Variants in PIK3R5 observed in about 807,000 individuals in gnomAD.
PIK3R5 encodes phosphoinositide-3-kinase regulatory subunit 5.
PIK3R5 carries 32 observed loss-of-function variants against 94.9 expected under a neutral mutation model. That is an observed-to-expected ratio of 0.34 (90% CI 0.25 to 0.45). PIK3R5 has a LOEUF of 0.45. Ranked by LOEUF, PIK3R5 falls within the 20% of genes least tolerant of loss-of-function variation. The pLI is 1.00. For missense variants in PIK3R5, 853 were observed against 1,144.6 expected (o/e 0.75, Z 3.68); for synonymous variants, 443 against 479.4 (o/e 0.92, Z 0.99).
chr17:8,920,369 G>GGTAC (rs2151427493), intron 1 of PIK3R5, among the ~76,000 whole-genome samples: 1 of 152,258 alleles, frequency 6.6e-6, no homozygotes, highest in South Asian at 2.1e-4. Flanking sequence ...AGGCACCTTA[G>GGTAC]GTACCATTTA....
chr17:8,887,956 A>C (rs551473729), intron 10 of PIK3R5, among the ~76,000 whole-genome samples: 7 of 150,276 alleles, frequency 4.7e-5, no homozygotes, highest in African/African-American at 1.7e-4. Context: ...AGCCGAGATC[A>C]TGCCACTGCA....
Position 8,945,635 on chromosome 17 carries a change from T to C in PIK3R5, c.-14+19961A>G, listed in dbSNP as rs1173926050. 2.0e-5 allele frequency among the ~76,000 whole-genome samples: 3 copies of C among 151,970 alleles called. No individual in the cohort carries two copies. Among genetic ancestry groups the C allele is most frequent in the Non-Finnish European group, 4.4e-5 (3 of 67,988 alleles). The stretch of plus-strand genomic sequence containing the variant: ...AAATGAGAACTCCTCCCCAGAAAAA[T>C]AGAAAGTACTTATAAGATTTTATGT... On this transcript the variant is annotated intron_variant, in intron 1 of 18. Coordinates refer to ENST00000447110, the MANE Select transcript of PIK3R5 (RefSeq NM_001142633.3). The surrounding 1 kb of genome is among the most constrained non-coding windows in gnomAD (Gnocchi z 4.0).
intron 1 of PIK3R5, among the ~76,000 whole-genome samples, chr17:8,956,409 C>G (rs2091467522): frequency 6.6e-6 from 1 of 152,108 alleles, no homozygotes; most frequent in South Asian, 2.1e-4. Context: ...AGCAGGTCCC[C>G]TCTCTGCTCA....
intron 10 of PIK3R5, 67 bp from the exon 11 acceptor site, chr17:8,887,750 T>C: frequency 6.8e-7 from 1 of 1,475,676 alleles, no homozygotes; most frequent in South Asian, 1.3e-5. Context: ...CCCAGCACTT[T>C]GGGAGGCTGA....
At chr17:8,910,615 T>G (rs2090503355) in intron 2 of PIK3R5, among the ~76,000 whole-genome samples, 1 of 152,156 alleles carries the variant, frequency 6.6e-6, no homozygotes, top group South Asian at 2.1e-4. Flanking sequence ...GGAGATAGCT[T>G]TAATCCAGGT....
At chr17:8,898,829 G>T (rs1014894890) in intron 5 of PIK3R5, among the ~76,000 whole-genome samples, 1 of 149,110 alleles carries the variant, frequency 6.7e-6, no homozygotes, top group Non-Finnish European at 1.5e-5. Flanking sequence ...ACAAGGGTTC[G>T]TGTTCCCTCT....
In PIK3R5 at chr17:8,880,929, C is replaced by T. The variant is rs759609042; in HGVS notation, c.2471G>A (p.Arg824Lys). The T allele has an allele frequency of 6.2e-7, 1 of 1,614,108 alleles. No homozygotes were observed. Among genetic ancestry groups the T allele is most frequent in the Non-Finnish European group, 8.5e-7 (1 of 1,179,934 alleles). Reference sequence around the variant, plus strand: ...CCTGACTACACTCTGCAGGATCTTTCTCTCATCCTGGTCCAGGCACACAGC... The same window carrying T: ...CCTGACTACACTCTGCAGGATCTTTTTCTCATCCTGGTCCAGGCACACAGC... ...PFAVCLDQDE[R>K]KILQSVVRCE... Residue 824 changes from arginine (R) to lysine (K), a missense_variant, in exon 18 of 19, where the codon AGA (arginine) becomes AAA (lysine). By Grantham distance (26) the Arg-to-Lys change is conservative. Transcript: ENST00000447110.
Position 8,911,247 on chromosome 17 carries a change from C to T in PIK3R5, c.103+145G>A, listed in dbSNP as rs184513607. 7.8e-6 allele frequency: 5 copies of T among 640,908 alleles called. No individual in the cohort carries two copies. The Admixed American group carries it at 1.0e-4, about 13-fold the overall frequency. The allele number at this position is 640,908 out of a possible 1,614,324, so 39.7% of individuals were successfully genotyped here. ...CATCAAGTGCTGCGCCAGGCACCTG[C>T]CCAGGAGAAGGCTGAGGCTTGCCCA... On this transcript the variant is annotated intron_variant, in intron 2 of 18. Transcript: ENST00000447110. This position sits in a 1 kb window ranked among gnomAD's most constrained non-coding sequence, Gnocchi z 5.3.
In PIK3R5 at chr17:8,909,012, C is replaced by G. The variant is rs1332324735; in HGVS notation, c.204+62G>C. On this transcript the variant is annotated intron_variant, in intron 3 of 18. Transcript: ENST00000447110. This position sits in a 1 kb window ranked among gnomAD's most constrained non-coding sequence, Gnocchi z 4.3. ...ACCCAGGAATGATGTTCTCTGGGAC[C>G]TATTTCTCCACTCTACGAGGCCGAC... The G allele has an allele frequency of 2.0e-6, 2 of 1,007,826 alleles. No individual in the cohort carries two copies. Among genetic ancestry groups the G allele is most frequent in the East Asian group, 5.2e-5 (2 of 38,356 alleles). 62.4% of individuals were successfully genotyped at this position (1,007,826 alleles called of 1,614,324 possible). A position where few individuals can be genotyped will look rare whatever the true frequency, so the allele number is the denominator to read the frequency against.
At chr17:8,894,912 A>G (rs1035349975) in intron 5 of PIK3R5, among the ~76,000 whole-genome samples, 1 of 152,194 alleles carries the variant, frequency 6.6e-6, no homozygotes, top group Non-Finnish European at 1.5e-5. Flanking sequence ...AAAGACAGCT[A>G]TAAATAGAAA....
chr17:8,889,061 G>A lies in PIK3R5; in HGVS notation c.895+78C>T. 3.3e-6 allele frequency: 5 copies of A among 1,526,558 alleles called. No individual in the cohort carries two copies. The highest frequency in any genetic ancestry group is 4.5e-6 in the Non-Finnish European group (5 of 1,122,178). The allele number at this position is 1,526,558 out of a possible 1,614,324, so 94.6% of individuals were successfully genotyped here. ...TGGGAGAGCTTTGGGGACGGGGTGG[G>A]AGCTGCATGGACCCAGGACCAGAAA... On this transcript the variant is annotated intron_variant, in intron 9 of 18. Transcript: ENST00000447110. This position sits in a 1 kb window ranked among gnomAD's most constrained non-coding sequence, Gnocchi z 4.1.
At chr17:8,946,718 A>G (rs1351392153) in intron 1 of PIK3R5, among the ~76,000 whole-genome samples, 1 of 152,090 alleles carries the variant, frequency 6.6e-6, no homozygotes. Context: ...TCGAATGACC[A>G]CAGCAGCACA....
chr17:8,952,112 C>T (rs2091387561), intron 1 of PIK3R5, among the ~76,000 whole-genome samples: 1 of 152,214 alleles, frequency 6.6e-6, no homozygotes, highest in African/African-American at 2.4e-5. Flanking sequence ...AGAGCAATGA[C>T]ACAAAAGGAA....
chr17:8,913,096 C>T (rs2090559939), intron 1 of PIK3R5, among the ~76,000 whole-genome samples: 1 of 152,158 alleles, frequency 6.6e-6, no homozygotes, highest in African/African-American at 2.4e-5. Context: ...AGACGTGATT[C>T]CAAGAAGTGA....
intron 1 of PIK3R5, among the ~76,000 whole-genome samples, chr17:8,940,074 G>A (rs1253381147): frequency 6.6e-6 from 1 of 152,172 alleles, no homozygotes; most frequent in Non-Finnish European, 1.5e-5. Flanking sequence ...CAGGCTTCTT[G>A]TATGACTTCA....
chr17:8,884,919 C>T lies in PIK3R5; in HGVS notation c.2129-136G>A. 4.3e-6 allele frequency: 3 copies of T among 696,752 alleles called. No homozygotes were observed. Among genetic ancestry groups the T allele is most frequent in the Non-Finnish European group, 7.6e-6 (3 of 397,164 alleles). 43.2% of individuals were successfully genotyped at this position (696,752 alleles called of 1,614,324 possible). ...CGTGACTCCCTAGGGATCTGTCTCACCAAGGCCCTGCCTCTCTCTCTGGCT... is the reference window on the plus strand; with the variant it reads ...CGTGACTCCCTAGGGATCTGTCTCATCAAGGCCCTGCCTCTCTCTCTGGCT... On this transcript the variant is annotated intron_variant, in intron 14 of 18. Coordinates refer to ENST00000447110, the MANE Select transcript of PIK3R5 (RefSeq NM_001142633.3). The surrounding 1 kb of genome is among the most constrained non-coding windows in gnomAD (Gnocchi z 5.8).
chr17:8,886,168 G>T, intron 14 of PIK3R5, 61 bp downstream of exon 14: 1 of 1,293,656 alleles, frequency 7.7e-7, no homozygotes, highest in Non-Finnish European at 1.1e-6. Flanking sequence ...CCTCCACAGA[G>T]CTCCACGTTT....
intron 1 of PIK3R5, among the ~76,000 whole-genome samples, chr17:8,930,376 A>G (rs1485863149): frequency 6.6e-6 from 1 of 152,266 alleles, no homozygotes; most frequent in Admixed American, 6.5e-5. Context: ...AGAGAAATCC[A>G]AAAATTCACT....
chr17:8,883,321 T>C (rs897904263), intron 15 of PIK3R5, among the ~76,000 whole-genome samples: 9 of 152,184 alleles, frequency 5.9e-5, no homozygotes, highest in African/African-American at 1.9e-4. Context: ...TGAGCCAAGA[T>C]TGAGCCATTG....
Sources: allele counts gnomAD v4.1 joint callset (sites outside exome capture counted in the v4.1 genomes callset), GRCh38; gene constraint gnomAD v4.1.1; non-coding constraint Gnocchi (gnomAD v3.1); transcripts MANE v1.5; gene names NCBI Gene and HGNC (gene_info 2026-07-23, HGNC 2026-07-21).